Variants in SSH2 observed in about 807,000 individuals in gnomAD.
SSH2 encodes the protein slingshot protein phosphatase 2, also known as protein phosphatase Slingshot homolog 2.
SSH2 carries 37 observed loss-of-function variants against 135.2 expected under a neutral mutation model. The observed-to-expected ratio is 0.27, with a 90% confidence interval of 0.21 to 0.36. The LOEUF (loss-of-function observed/expected upper bound fraction) is 0.36, where lower values mean the gene tolerates loss of function less well. SSH2 is among the 10% of genes least tolerant of loss of function. SSH2 has a pLI of 1.00. For synonymous variants in SSH2, 628 were observed against 646.2 expected (o/e 0.97, Z 0.43); for missense variants, 1,408 against 1,765.3 (o/e 0.80, Z 3.63).
intron 2 of SSH2, among the ~76,000 whole-genome samples, chr17:29,838,262 C>T (rs1004876410): frequency 6.6e-6 from 1 of 152,226 alleles, no homozygotes; most frequent in Non-Finnish European, 1.5e-5. Context: ...CCTCCACACA[C>T]TGGGTTTGGT....
At chr17:29,798,243 C>T (rs758990274) in intron 2 of SSH2, among the ~76,000 whole-genome samples, 2 of 151,356 alleles carry the variant, frequency 1.3e-5, no homozygotes, top group Non-Finnish European at 2.9e-5. Flanking sequence ...GGTGGGATCT[C>T]GGCTCACTGG....
intron 3 of SSH2, among the ~76,000 whole-genome samples, chr17:29,724,459 C>T (rs532729320): frequency 4.1e-5 from 5 of 121,748 alleles, no homozygotes; most frequent in African/African-American, 1.6e-4. Flanking sequence ...ACCCGGGAGG[C>T]GGAGGTTACA....
At chr17:29,908,187 T>G (rs1181727123) in intron 1 of SSH2, among the ~76,000 whole-genome samples, 1 of 152,068 alleles carries the variant, frequency 6.6e-6, no homozygotes, top group African/African-American at 2.4e-5. Context: ...GGCCAGGTAA[T>G]CCATCTGTAA....
chr17:29,668,684 CCCTGATTGTACCACTGCACTCCAG>C (rs1282820979), intron 9 of SSH2, among the ~76,000 whole-genome samples: 1 of 152,100 alleles, frequency 6.6e-6, no homozygotes, highest in African/African-American at 2.4e-5. Context: ...CTGCAGTGAG[CCCTGATTGTACCACTGCACTCCAG>C]CCTGGGTAAC....
At chr17:29,784,245 C>T (rs536823255) in intron 3 of SSH2, among the ~76,000 whole-genome samples, 18 of 151,318 alleles carry the variant, frequency 1.2e-4, no homozygotes, top group Non-Finnish European at 1.8e-4. Flanking sequence ...ATAGGCTGGG[C>T]GTGGTGGCAC....
intron 11 of SSH2, among the ~76,000 whole-genome samples, chr17:29,660,098 G>T (rs1598741137): frequency 6.6e-6 from 1 of 151,916 alleles, no homozygotes; most frequent in African/African-American, 2.4e-5. Context: ...AAAGTGCTGG[G>T]ATTACAGGCG....
chr17:29,692,646 G>A (rs934996306), intron 5 of SSH2, among the ~76,000 whole-genome samples: 1 of 152,232 alleles, frequency 6.6e-6, no homozygotes, highest in African/African-American at 2.4e-5. Context: ...ATGAGAAAAC[G>A]ATAAAGTGAT....
chr17:29,700,979 CTTTTTTTT>C, intron 4 of SSH2, among the ~76,000 whole-genome samples: 1 of 147,934 alleles, frequency 6.8e-6, no homozygotes, highest in East Asian at 2.0e-4. Flanking sequence ...TTCTTTTTTT[CTTTTTTTT>C]TGAGATGGAG....
At chr17:29,850,971 C>T (rs903637916) in intron 1 of SSH2, among the ~76,000 whole-genome samples, 6 of 151,928 alleles carry the variant, frequency 3.9e-5, no homozygotes, top group Admixed American at 6.6e-5. Flanking sequence ...GGCTACAGAG[C>T]GAGACTCCAT....
At chr17:29,876,551 G>C (rs2066034072) in intron 1 of SSH2, among the ~76,000 whole-genome samples, 1 of 151,556 alleles carries the variant, frequency 6.6e-6, no homozygotes, top group Non-Finnish European at 1.5e-5. Flanking sequence ...TTTTTACCTT[G>C]ATGTGATCCC....
intron 1 of SSH2, among the ~76,000 whole-genome samples, chr17:29,857,766 C>T (rs750127851): frequency 9.2e-5 from 14 of 152,226 alleles, no homozygotes. Flanking sequence ...CATAAGCCAT[C>T]ACACCCGGCC....
chr17:29,705,214 A>G (rs565618621), intron 3 of SSH2, among the ~76,000 whole-genome samples: 2 of 152,228 alleles, frequency 1.3e-5, no homozygotes, highest in Middle Eastern at 3.4e-3. Flanking sequence ...ACTTATCCCT[A>G]TCACCACTAT....
intron 4 of SSH2, among the ~76,000 whole-genome samples, chr17:29,696,624 C>CAA (rs1350958411): frequency 2.2e-5 from 1 of 45,046 alleles, no homozygotes; most frequent in African/African-American, 4.9e-5. Flanking sequence ...TATATATATA[C>CAA]ACACACACAC....
intron 1 of SSH2, among the ~76,000 whole-genome samples, chr17:29,892,268 A>C (rs566278567): frequency 2.8e-4 from 42 of 152,212 alleles, no homozygotes; most frequent in African/African-American, 1.0e-3. Context: ...TTTCCAAAGC[A>C]GCCCCCACCC....
chr17:29,752,391 A>C (rs2040973636), intron 3 of SSH2, among the ~76,000 whole-genome samples: 1 of 152,172 alleles, frequency 6.6e-6, no homozygotes, highest in African/African-American at 2.4e-5. Context: ...GTAAGAATTT[A>C]ATATATATGT....
intron 3 of SSH2, among the ~76,000 whole-genome samples, chr17:29,709,767 C>A (rs762194711): frequency 5.3e-5 from 8 of 152,114 alleles, no homozygotes; most frequent in Non-Finnish European, 8.8e-5. Context: ...ACTTCCCCAA[C>A]AAGGCCATAA....
intron 3 of SSH2, among the ~76,000 whole-genome samples, chr17:29,779,810 CAAA>C (rs56789691): frequency 3.6e-4 from 7 of 19,604 alleles, no homozygotes; most frequent in African/African-American, 1.9e-4. Flanking sequence ...GACTCTGTCT[CAAA>C]AAAAAAAAAA....
intron 1 of SSH2, among the ~76,000 whole-genome samples, chr17:29,858,033 C>A (rs907552589): frequency 6.6e-6 from 1 of 152,154 alleles, no homozygotes; most frequent in Non-Finnish European, 1.5e-5. Context: ...CCTCAAGATA[C>A]ATGCATGTTG....
intron 2 of SSH2, among the ~76,000 whole-genome samples, chr17:29,824,322 G>A (rs918892040): frequency 6.6e-6 from 1 of 152,156 alleles, no homozygotes; most frequent in Non-Finnish European, 1.5e-5. Flanking sequence ...CATCCTGATT[G>A]TGTCAGCATT....
Sources: allele counts gnomAD v4.1 joint callset (sites outside exome capture counted in the v4.1 genomes callset), GRCh38; gene constraint gnomAD v4.1.1; transcripts MANE v1.5; gene names NCBI Gene and HGNC (gene_info 2026-07-23, HGNC 2026-07-21).